RYR2: variants seen among roughly 807,000 people sequenced by gnomAD.
The protein encoded by RYR2 is cardiac muscle ryanodine receptor-calcium release channel.
RYR2 carries 227 observed loss-of-function variants against 601.1 expected under a neutral mutation model. That is an observed-to-expected ratio of 0.38 (90% confidence interval 0.34 to 0.42). RYR2 has a LOEUF of 0.42. RYR2 is among the 10% of genes least tolerant of loss of function. The pLI is 1.00. For synonymous variants in RYR2, 2,223 were observed against 2,175.1 expected (o/e 1.02, Z -0.61); for missense variants, 4,646 against 6,156.5 (o/e 0.75, Z 8.21).
intron 1 of RYR2, among the ~76,000 whole-genome samples, chr1:237,166,892 C>G (rs1273276154): frequency 6.6e-6 from 1 of 152,292 alleles, no homozygotes; most frequent in South Asian, 2.1e-4. Flanking sequence ...ACAAGAAAAT[C>G]AGTAGTCACC....
At chr1:237,409,039 A>T (rs189223579) in intron 10 of RYR2, among the ~76,000 whole-genome samples, 2 of 152,226 alleles carry the variant, frequency 1.3e-5, no homozygotes, top group African/African-American at 2.4e-5. Context: ...ATAATTGTCT[A>T]TTAGTTTCAG....
At chr1:237,580,725 G>A (rs1452654112) in intron 29 of RYR2, among the ~76,000 whole-genome samples, 8 of 152,144 alleles carry the variant, frequency 5.3e-5, no homozygotes, top group South Asian at 2.1e-4. Context: ...CTTTAAAGGG[G>A]TAATTCAGGT....
intron 76 of RYR2, among the ~76,000 whole-genome samples, chr1:237,728,343 C>T (rs1006693765): frequency 7.9e-5 from 12 of 152,110 alleles, no homozygotes; most frequent in African/African-American, 2.9e-4. Flanking sequence ...TTCTCTGACT[C>T]AATTATGCTG....
intron 1 of RYR2, among the ~76,000 whole-genome samples, chr1:237,161,447 GT>G (rs1217914966): frequency 6.6e-6 from 1 of 151,904 alleles, no homozygotes; most frequent in African/African-American, 2.4e-5. Context: ...AACTAGGAGG[GT>G]TTTTTTAGTT....
intron 74 of RYR2, among the ~76,000 whole-genome samples, chr1:237,725,149 T>A (rs948100330): frequency 1.3e-5 from 2 of 152,082 alleles, no homozygotes; most frequent in Non-Finnish European, 2.9e-5. Flanking sequence ...CCATACTTAA[T>A]GTAGATATGA....
At chr1:237,787,865 G>T (rs2149366492) in intron 91 of RYR2, 123 bp from the exon 92 acceptor site, 2 of 905,046 alleles carry the variant, frequency 2.2e-6, no homozygotes, top group Non-Finnish European at 3.3e-6. Context: ...CACCGGAAAA[G>T]AAATTAGTTT....
chr1:237,527,316 T>C (rs544949412), intron 24 of RYR2, among the ~76,000 whole-genome samples: 1 of 152,338 alleles, frequency 6.6e-6, no homozygotes, highest in Non-Finnish European at 1.5e-5. Flanking sequence ...AGTGTAGCAA[T>C]TTAAATGTTA....
chr1:237,719,088 G>A (rs908905106), intron 73 of RYR2, among the ~76,000 whole-genome samples: 5 of 151,978 alleles, frequency 3.3e-5, no homozygotes, highest in Non-Finnish European at 5.9e-5. Flanking sequence ...GCAAAACCCC[G>A]CCTCTACAAA....
At chr1:237,553,324 A>G (rs541972983) in intron 27 of RYR2, among the ~76,000 whole-genome samples, 1 of 152,134 alleles carries the variant, frequency 6.6e-6, no homozygotes, top group South Asian at 2.1e-4. Flanking sequence ...TTGTTGGAAC[A>G]ATTATCCTTA....
At chr1:237,570,678 T>C (rs1427179524) in intron 29 of RYR2, among the ~76,000 whole-genome samples, 1 of 152,048 alleles carries the variant, frequency 6.6e-6, no homozygotes, top group Non-Finnish European at 1.5e-5. Flanking sequence ...CTTAGTCACA[T>C]TGGCCACCAT....
rs573550677 is a variant in RYR2, at chr1:237,309,649, G to A, written c.169-21229G>A. On this transcript the variant is annotated intron_variant, in intron 2 of 104. Coordinates refer to ENST00000366574, the MANE Select transcript of RYR2 (RefSeq NM_001035.3). ...TGCCCACACTCCTCAGCCCTTGGGC[G>A]GTCGATGGGACCAGGCGCCATGGAG... Among the ~76,000 whole-genome samples the A allele has an allele frequency of 8.4e-4, 128 of 152,350 alleles. No individual in the cohort carries two copies. In the Middle Eastern group the frequency reaches 0.01, roughly 12 times the overall value.
At position 237,290,941 on chromosome 1, in the gene RYR2, A is replaced by G. The variant is rs555068854; in HGVS notation, c.168+20325A>G. Among the ~76,000 whole-genome samples the G allele has an allele frequency of 4.5e-4, 69 of 152,336 alleles. No homozygotes were observed. In the South Asian group the frequency reaches 9.9e-3, roughly 22 times the overall value. The stretch of plus-strand genomic sequence containing the variant: ...ATGCACAAATTAAAGCTGCATTCAA[A>G]TTCTTGTGCATGAAATTGGCAAAAG... On this transcript the variant is annotated intron_variant, in intron 2 of 104. Coordinates refer to ENST00000366574, the MANE Select transcript of RYR2 (RefSeq NM_001035.3).
chr1:237,057,347 G>A (rs190362483), intron 1 of RYR2, among the ~76,000 whole-genome samples: 3 of 152,030 alleles, frequency 2.0e-5, no homozygotes, highest in South Asian at 2.1e-4. Context: ...CATCACGCCC[G>A]GCTAATTTTC....
intron 57 of RYR2, among the ~76,000 whole-genome samples, chr1:237,667,351 A>G (rs1325258788): frequency 6.6e-6 from 1 of 152,236 alleles, no homozygotes; most frequent in Non-Finnish European, 1.5e-5. Context: ...GAACGTATTA[A>G]AATGACACAG....
intron 37 of RYR2, among the ~76,000 whole-genome samples, chr1:237,616,098 T>C (rs1449567197): frequency 6.6e-6 from 1 of 151,982 alleles, no homozygotes; most frequent in Non-Finnish European, 1.5e-5. Flanking sequence ...GTCCAAACTC[T>C]AGGAGACCAT....
chr1:237,284,841 G>T (rs932034380), intron 2 of RYR2, among the ~76,000 whole-genome samples: 2 of 151,866 alleles, frequency 1.3e-5, no homozygotes, highest in Non-Finnish European at 2.9e-5. Flanking sequence ...GTTGCTGTTG[G>T]TGTATAGAAG....
chr1:237,227,179 T>C (rs1462786182), intron 1 of RYR2, among the ~76,000 whole-genome samples: 1 of 152,130 alleles, frequency 6.6e-6, no homozygotes, highest in Non-Finnish European at 1.5e-5. Context: ...TTATACAGCA[T>C]GGTGACTCTA....
chr1:237,797,890 A>G, intron 96 of RYR2, 147 bp from the exon 97 acceptor site: 1 of 677,122 alleles, frequency 1.5e-6, no homozygotes, highest in Non-Finnish European at 2.4e-6. Flanking sequence ...CAGTGTGATC[A>G]CAGAAGGTGA....
At chr1:237,063,872 G>A (rs761616609) in intron 1 of RYR2, among the ~76,000 whole-genome samples, 4 of 152,130 alleles carry the variant, frequency 2.6e-5, no homozygotes, top group Admixed American at 6.5e-5. Context: ...AGTTGTTGGT[G>A]ATCCACCCCC....
Sources: allele counts gnomAD v4.1 joint callset (sites outside exome capture counted in the v4.1 genomes callset), GRCh38; gene constraint gnomAD v4.1.1; transcripts MANE v1.5; gene names NCBI Gene and HGNC (gene_info 2026-07-23, HGNC 2026-07-21).